Variants in CNTNAP2 observed in about 807,000 individuals in gnomAD.
The protein encoded by CNTNAP2 is contactin-associated protein-like 2.
In CNTNAP2, 98 loss-of-function variants were observed where a neutral mutation model predicts 155.2. The observed-to-expected ratio is 0.63, with a 90% CI of 0.54 to 0.75. CNTNAP2 has a LOEUF of 0.75. CNTNAP2 is among the 30% of genes least tolerant of loss of function. The pLI is 0.00. For missense variants in CNTNAP2, 1,727 were observed against 1,688.1 expected (o/e 1.02, Z -0.40); for synonymous variants, 651 against 631.2 (o/e 1.03, Z -0.47).
At chr7:148,052,939 C>A (rs1802921701) in intron 15 of CNTNAP2, among the ~76,000 whole-genome samples, 1 of 152,172 alleles carries the variant, frequency 6.6e-6, no homozygotes, top group East Asian at 1.9e-4. Flanking sequence ...CCCAGCTACT[C>A]GGGAGGCTGA....
intron 1 of CNTNAP2, among the ~76,000 whole-genome samples, chr7:146,234,409 G>T (rs1799437741): frequency 6.6e-6 from 1 of 152,052 alleles, no homozygotes; most frequent in Non-Finnish European, 1.5e-5. Context: ...CCATTGTGTA[G>T]GTTGCCTGTT....
At chr7:146,841,566 T>C (rs141913316) in intron 3 of CNTNAP2, among the ~76,000 whole-genome samples, 1 of 151,998 alleles carries the variant, frequency 6.6e-6, no homozygotes, top group Non-Finnish European at 1.5e-5. Context: ...GGGTTTACTT[T>C]CTGTGATTTC....
intron 1 of CNTNAP2, among the ~76,000 whole-genome samples, chr7:146,454,495 G>A (rs1056657423): frequency 2.6e-5 from 4 of 152,006 alleles, no homozygotes; most frequent in Admixed American, 6.6e-5. Context: ...AGTTGGGAAG[G>A]TAGTGTGAAT....
At chr7:147,768,432 A>G (rs1206801126) in intron 13 of CNTNAP2, among the ~76,000 whole-genome samples, 1 of 152,126 alleles carries the variant, frequency 6.6e-6, no homozygotes, top group Non-Finnish European at 1.5e-5. Flanking sequence ...TCTTTACTAT[A>G]TTAGTGCTTA....
At chr7:147,931,993 C>T (rs1053625848) in intron 14 of CNTNAP2, among the ~76,000 whole-genome samples, 11 of 152,088 alleles carry the variant, frequency 7.2e-5, no homozygotes, top group African/African-American at 2.7e-4. Context: ...TCAGGCGATC[C>T]TCCTGCCTCA....
intron 8 of CNTNAP2, among the ~76,000 whole-genome samples, chr7:147,152,894 C>T (rs1801853682): frequency 6.6e-6 from 1 of 152,088 alleles, no homozygotes; most frequent in Admixed American, 6.5e-5. Context: ...TATGCACTGA[C>T]ATGACCCAAA....
intron 12 of CNTNAP2, among the ~76,000 whole-genome samples, chr7:147,595,561 T>C (rs1389821896): frequency 2.6e-5 from 4 of 152,242 alleles, no homozygotes; most frequent in African/African-American, 7.2e-5. Context: ...TTTGAAATAA[T>C]GTATTCGATG....
At chr7:147,033,306 T>C (rs1395308245) in intron 3 of CNTNAP2, among the ~76,000 whole-genome samples, 1 of 150,638 alleles carries the variant, frequency 6.6e-6, no homozygotes, top group African/African-American at 2.4e-5. Flanking sequence ...ACAAGCTAAA[T>C]TTGATTGGGG....
intron 1 of CNTNAP2, among the ~76,000 whole-genome samples, chr7:146,377,415 A>G (rs1024670146): frequency 6.6e-6 from 1 of 151,844 alleles, no homozygotes; most frequent in Admixed American, 6.6e-5. Context: ...TTCAATTTCT[A>G]TTTGCTCTCT....
chr7:147,291,887 G>A (rs1164638489), intron 8 of CNTNAP2, among the ~76,000 whole-genome samples: 1 of 152,026 alleles, frequency 6.6e-6, no homozygotes, highest in South Asian at 2.1e-4. Context: ...ACTTTTTAAT[G>A]TGCTTATGAA....
intron 3 of CNTNAP2, among the ~76,000 whole-genome samples, chr7:147,021,762 G>T (rs1412918068): frequency 6.6e-6 from 1 of 151,902 alleles, no homozygotes; most frequent in African/African-American, 2.4e-5. Flanking sequence ...TCCAAATGTT[G>T]CCTCAGTCAT....
At chr7:148,089,333 G>A (rs1484555547) in intron 15 of CNTNAP2, among the ~76,000 whole-genome samples, 4 of 152,018 alleles carry the variant, frequency 2.6e-5, no homozygotes, top group Non-Finnish European at 4.4e-5. Flanking sequence ...AGAAATAAAG[G>A]CATCCAAATT....
intron 15 of CNTNAP2, among the ~76,000 whole-genome samples, chr7:148,082,503 G>T (rs1479809699): frequency 6.6e-6 from 1 of 152,096 alleles, no homozygotes; most frequent in Non-Finnish European, 1.5e-5. Flanking sequence ...GGAGGAGTGT[G>T]GTCAGAGACG....
intron 13 of CNTNAP2, among the ~76,000 whole-genome samples, chr7:147,730,579 A>C (rs538533243): frequency 1.3e-5 from 2 of 152,186 alleles, no homozygotes; most frequent in African/African-American, 4.8e-5. Context: ...TCCACCGACC[A>C]GCCATTACCC....
At chr7:146,919,502 C>A (rs1252473431) in intron 3 of CNTNAP2, among the ~76,000 whole-genome samples, 2 of 152,148 alleles carry the variant, frequency 1.3e-5, no homozygotes, top group Non-Finnish European at 2.9e-5. Context: ...CAGGCTGGTA[C>A]TGGAGAGTAT....
At chr7:146,906,973 G>A (rs1194448079) in intron 3 of CNTNAP2, among the ~76,000 whole-genome samples, 1 of 148,692 alleles carries the variant, frequency 6.7e-6, no homozygotes, top group African/African-American at 2.5e-5. Flanking sequence ...TGATGGAGCT[G>A]AAAACCAAGG....
chr7:147,212,765 G>A (rs1490056000), intron 8 of CNTNAP2, among the ~76,000 whole-genome samples: 2 of 152,012 alleles, frequency 1.3e-5, no homozygotes, highest in Non-Finnish European at 2.9e-5. Context: ...AAACAAAATT[G>A]TATTCTTGCA....
At chr7:147,647,125 C>G (rs1272442914) in intron 13 of CNTNAP2, among the ~76,000 whole-genome samples, 2 of 151,556 alleles carry the variant, frequency 1.3e-5, no homozygotes, top group Non-Finnish European at 2.9e-5. Context: ...GTAGCTGGGA[C>G]TACAGGCGCA....
chr7:147,799,857 C>T (rs902078423), intron 13 of CNTNAP2, among the ~76,000 whole-genome samples: 21 of 152,246 alleles, frequency 1.4e-4, no homozygotes, highest in Admixed American at 2.6e-4. Context: ...TCACACCACT[C>T]AATATTATAG....
Sources: gnomAD v4.1 joint callset for allele counts (sites outside exome capture counted in the v4.1 genomes callset) on GRCh38, gnomAD v4.1.1 for gene constraint, MANE v1.5 for transcripts, NCBI Gene and HGNC (gene_info 2026-07-23, HGNC 2026-07-21) for gene names.